Variants in TSC22D2 observed in about 807,000 individuals in gnomAD.
TSC22D2 encodes TSC22 domain family protein 2.
In TSC22D2, 5 loss-of-function variants were observed where a neutral mutation model predicts 50.1. The observed-to-expected ratio is 0.10, with a 90% CI of 0.05 to 0.21. The LOEUF (loss-of-function observed/expected upper bound fraction) is 0.21. TSC22D2 is among the 10% of genes least tolerant of loss of function. The pLI is 1.00. For missense variants in TSC22D2, 1,003 were observed against 1,015.5 expected (o/e 0.99, Z 0.17); for synonymous variants, 501 against 450.1 (o/e 1.11, Z -1.43).
chr3:150,455,982 G>A (rs537761239), intron 1 of TSC22D2, among the ~76,000 whole-genome samples: 41 of 151,984 alleles, frequency 2.7e-4, no homozygotes, highest in African/African-American at 8.7e-4. Flanking sequence ...CCACCAAAGA[G>A]GACAATTAGC....
At chr3:150,430,648 C>A (rs1345917574) in intron 1 of TSC22D2, among the ~76,000 whole-genome samples, 1 of 152,114 alleles carries the variant, frequency 6.6e-6, no homozygotes, top group Admixed American at 6.5e-5. Flanking sequence ...GCAGCTGAGG[C>A]TGCAGACTTG....
chr3:150,409,562 C>T lies in TSC22D2; in HGVS notation c.212C>T (p.Thr71Met), dbSNP rs1333837878. The change falls in exon 1 of 3, where the codon ACG becomes ATG. Residue 71 changes from threonine (T) to methionine (M), a missense_variant. Around this residue, in one of 6 missense-constraint regions of TSC22D2, gnomAD observed 200 missense variants for 182.8 expected, o/e 1.09. Transcript: ENST00000688009. This position sits in a 1 kb window ranked among gnomAD's most constrained non-coding sequence, Gnocchi z 7.4. The part of the protein sequence containing the change: ...EVCERSSSEE[T>M]LNNVGDAETP... ...TGCGAGCGCAGCTCTTCCGAAGAGA[C>T]GCTTAACAATGTTGGGGATGCGGAG... The T allele has an allele frequency of 3.1e-6, 5 of 1,601,246 alleles. No individual in the cohort carries two copies. The highest frequency in any genetic ancestry group is 4.3e-6 in the Non-Finnish European group (5 of 1,170,026).
intron 1 of TSC22D2, among the ~76,000 whole-genome samples, chr3:150,432,456 T>C (rs1720408323): frequency 6.6e-6 from 1 of 151,916 alleles, no homozygotes; most frequent in African/African-American, 2.4e-5. Flanking sequence ...TTTCACCAAA[T>C]AGATTTTAGG....
rs1193672278 is a variant in TSC22D2, at chr3:150,408,962, G to C, written c.-389G>C. 1.7e-5 allele frequency: 3 copies of C among 173,744 alleles called. No homozygotes were observed. Among genetic ancestry groups the C allele is most frequent in the Non-Finnish European group, 3.7e-5 (3 of 81,046 alleles). 10.8% of individuals were successfully genotyped at this position (173,744 alleles called of 1,614,324 possible). Reference sequence around the variant, plus strand: ...CTCCCACCCCCAGCCAAGGCCTGCTGACCGCGCCGAGCGCCGAGCTGGACT... The same window carrying C: ...CTCCCACCCCCAGCCAAGGCCTGCTCACCGCGCCGAGCGCCGAGCTGGACT... On this transcript the variant is annotated 5_prime_UTR_variant, in exon 1 of 3. Coordinates refer to ENST00000688009, the MANE Select transcript of TSC22D2 (RefSeq NM_001303264.2).
chr3:150,426,577 C>T (rs1231854514), intron 1 of TSC22D2, among the ~76,000 whole-genome samples: 1 of 152,172 alleles, frequency 6.6e-6, no homozygotes, highest in Non-Finnish European at 1.5e-5. Flanking sequence ...AGGAAGAAAT[C>T]AGGTAGCTTG....
intron 1 of TSC22D2, among the ~76,000 whole-genome samples, chr3:150,455,815 T>C (rs905763791): frequency 6.6e-6 from 1 of 152,214 alleles, no homozygotes; most frequent in African/African-American, 2.4e-5. Flanking sequence ...AAATTATCTT[T>C]TCGTATTGAT....
At chr3:150,432,691 G>A (rs528451474) in intron 1 of TSC22D2, among the ~76,000 whole-genome samples, 46 of 152,010 alleles carry the variant, frequency 3.0e-4, no homozygotes, top group South Asian at 1.0e-3. Context: ...TTAGGGTTTC[G>A]TCATTGTTGT....
In TSC22D2 at chr3:150,411,052, G is replaced by A. The variant is rs151080920; in HGVS notation, c.1702G>A (p.Ala568Thr). Residue 568 changes from alanine (A) to threonine (T), a missense_variant, in exon 1 of 3, where the codon GCA becomes ACA. Physicochemically the swap from Ala to Thr is moderately conservative, Grantham distance 58 (BLOSUM62 0). Transcript: ENST00000688009. The stretch of plus-strand genomic sequence containing the variant: ...GCCCTTAGCGCCAGGCACACACAGC[G>A]CACCAACAAGTCTACCACAGTCTGA... ...GLPLAPGTHS[A>T]PTSLPQSDLS... is the part of the protein sequence containing the mutation. 5.6e-6 allele frequency: 9 copies of A among 1,614,172 alleles called. No homozygotes were observed. In the South Asian group the frequency reaches 7.7e-5, roughly 14 times the overall value.
intron 1 of TSC22D2, among the ~76,000 whole-genome samples, chr3:150,411,749 GA>G (rs34599726): frequency 1.3e-5 from 2 of 149,886 alleles, no homozygotes; most frequent in Admixed American, 6.7e-5. Flanking sequence ...GTCCTCTAGT[GA>G]AAAAAAAAAT....
chr3:150,437,877 A>G (rs1343398494), intron 1 of TSC22D2, among the ~76,000 whole-genome samples: 3 of 151,978 alleles, frequency 2.0e-5, no homozygotes, highest in Non-Finnish European at 4.4e-5. Flanking sequence ...GGACCAAACA[A>G]TATAACTCAA....
At chr3:150,419,880 T>C (rs1430358843) in intron 1 of TSC22D2, among the ~76,000 whole-genome samples, 1 of 152,200 alleles carries the variant, frequency 6.6e-6, no homozygotes, top group Non-Finnish European at 1.5e-5. Flanking sequence ...CATCTCAGTC[T>C]TCCTAGAATT....
Position 150,409,170 on chromosome 3 carries a change from G to GA in TSC22D2, c.-180dup. ...AGACCGACACAGAGAAGGAAACGAG[G>GA]AGGAGGATGTCTCACCGGGCGGCCA... is the stretch of plus-strand genomic sequence containing the variant. On this transcript the variant is annotated 5_prime_UTR_variant, in exon 1 of 3. Transcript: ENST00000688009. This position sits in a 1 kb window ranked among gnomAD's most constrained non-coding sequence, Gnocchi z 7.4. 3 of 571,870 alleles carry GA rather than the reference G, an allele frequency of 5.2e-6. No individual in the cohort carries two copies. The highest frequency in any genetic ancestry group is 6.0e-6 in the Non-Finnish European group (2 of 331,784). 35.4% of individuals were successfully genotyped at this position (571,870 alleles called of 1,614,324 possible).
rs142100582 is a variant in TSC22D2, at chr3:150,411,035, C to T, written c.1685C>T (p.Ala562Val). The stretch of plus-strand genomic sequence containing the variant: ...ATCCAGCATGTTGGGCTGCCCTTAG[C>T]GCCAGGCACACACAGCGCACCAACA... ...SIIQHVGLPLAPGTHSAPTSL... is the reference protein window; with the variant it reads ...SIIQHVGLPLVPGTHSAPTSL... Residue 562 changes from alanine (A) to valine (V), a missense_variant, in exon 1 of 3, where the codon GCG (alanine) becomes GTG (valine). Ala to Val is a moderately conservative substitution (Grantham distance 64). Coordinates refer to ENST00000688009, the MANE Select transcript of TSC22D2 (RefSeq NM_001303264.2). 1.2e-6 allele frequency: 2 copies of T among 1,614,062 alleles called. No homozygotes were observed. Among genetic ancestry groups the T allele is most frequent in the Admixed American group, 3.3e-5 (2 of 60,002 alleles).
chr3:150,421,964 A>C (rs1173461817), intron 1 of TSC22D2, among the ~76,000 whole-genome samples: 1 of 152,222 alleles, frequency 6.6e-6, no homozygotes, highest in Non-Finnish European at 1.5e-5. Context: ...CTCTGGAACT[A>C]GATTGCCACC....
In TSC22D2 at chr3:150,409,380, C is replaced by T; in HGVS notation, c.30C>T (p.Ser10=). 6.2e-7 allele frequency: 1 copy of T among 1,606,862 alleles called. No homozygotes were observed. Among genetic ancestry groups the T allele is most frequent in the Non-Finnish European group, 8.5e-7 (1 of 1,174,672 alleles). The change falls in exon 1 of 3, where the codon AGC becomes AGT. Residue 10 remains serine (S), a synonymous_variant. Coordinates refer to ENST00000688009, the MANE Select transcript of TSC22D2 (RefSeq NM_001303264.2). This position sits in a 1 kb window ranked among gnomAD's most constrained non-coding sequence, Gnocchi z 7.4. ...CCAAGATGCCGGCCAAGAAGAAGAG[C>T]TGCTTCCAGATCACCAGTGTCACCA... MSKMPAKKK[S]CFQITSVTTA...
chr3:150,411,093 A>G lies in TSC22D2; in HGVS notation c.1743A>G (p.Gln581=), dbSNP rs1719542884. The G allele has an allele frequency of 2.5e-6, 4 of 1,614,162 alleles. No individual in the cohort carries two copies. The highest frequency in any genetic ancestry group is 3.4e-6 in the Non-Finnish European group (4 of 1,180,026). The stretch of plus-strand genomic sequence containing the variant: ...CACAGTCTGACCTAAGCCAGTTTCA[A>G]ACTCAGACCCAGCCTTTAGTCGGGC... ...SLPQSDLSQF[Q]TQTQPLVGQV... is the part of the protein sequence containing the mutation. Residue 581 remains glutamine (Q), a synonymous_variant, in exon 1 of 3, where the codon CAA becomes CAG. Coordinates refer to ENST00000688009, the MANE Select transcript of TSC22D2 (RefSeq NM_001303264.2).
At chr3:150,455,612 A>T (rs1576559525) in intron 1 of TSC22D2, among the ~76,000 whole-genome samples, 1 of 152,152 alleles carries the variant, frequency 6.6e-6, no homozygotes, top group African/African-American at 2.4e-5. Context: ...AGATCCAGGG[A>T]AGTTAAATAG....
At chr3:150,422,108 T>A (rs1388402183) in intron 1 of TSC22D2, among the ~76,000 whole-genome samples, 4 of 152,240 alleles carry the variant, frequency 2.6e-5, no homozygotes, top group Non-Finnish European at 4.4e-5. Flanking sequence ...GCACTTAGAA[T>A]AGTGTGTGGT....
At chr3:150,431,436 A>G (rs548993435) in intron 1 of TSC22D2, among the ~76,000 whole-genome samples, 1 of 152,102 alleles carries the variant, frequency 6.6e-6, no homozygotes, top group African/African-American at 2.4e-5. Context: ...AATGTCCTTC[A>G]TAACCATTTT....
Sources: gnomAD v4.1 joint callset for allele counts (sites outside exome capture counted in the v4.1 genomes callset) on GRCh38, gnomAD v4.1.1 for gene constraint, gnomAD v4.1.1 regional missense constraint, Gnocchi (gnomAD v3.1) non-coding constraint, MANE v1.5 for transcripts, NCBI Gene and HGNC (gene_info 2026-07-23, HGNC 2026-07-21) for gene names.